TNIP3: variants seen among roughly 807,000 people sequenced by gnomAD.
TNIP3 encodes TNFAIP3-interacting protein 3.
Under a neutral mutation model 54.1 loss-of-function variants are expected in TNIP3, and 34 were observed. The observed-to-expected ratio is 0.63, with a 90% confidence interval of 0.48 to 0.84. The LOEUF is 0.84. TNIP3 is among the 40% of genes least tolerant of loss of function. The pLI is 0.00. For synonymous variants in TNIP3, 134 were observed against 136.8 expected (o/e 0.98, Z 0.14); for missense variants, 366 against 387.6 (o/e 0.94, Z 0.47).
rs531439698 is a variant in TNIP3, at chr4:121,157,180, G to C, written c.277C>G (p.Pro93Ala). Residue 93 changes from proline to alanine, a missense_variant, in exon 4 of 11, where the codon CCG becomes GCG. Coordinates refer to ENST00000057513, the MANE Select transcript of TNIP3 (RefSeq NM_024873.6). ...ERFLSTREKD[P>A]HQRQRKDDRQ... is the part of the protein sequence containing the mutation. Reference sequence around the variant, plus strand: ...TCGTCCTTTCTCTGCCTCTGATGCGGATCCTTCTCCCGCGTGCTGAGGAAT... The same window carrying C: ...TCGTCCTTTCTCTGCCTCTGATGCGCATCCTTCTCCCGCGTGCTGAGGAAT... 2.5e-6 allele frequency: 4 copies of C among 1,604,996 alleles called. No individual in the cohort carries two copies. The African/African-American group carries it at 4.0e-5, about 16-fold the overall frequency.
rs1028034233 is a variant in TNIP3, at chr4:121,187,952, T to TA, written c.69-5157dup. ...TATGTTTTCTTTCTTTCCTTTTTTT[T>TA]AACCATCCAGGAATTATAAAAATTC... On this transcript the variant is annotated intron_variant, in intron 2 of 12. Transcript: ENST00000507879. Among the ~76,000 whole-genome samples, 271 of 152,256 alleles carry TA rather than the reference T, an allele frequency of 1.8e-3. 1 individual carries two copies. Among genetic ancestry groups the TA allele is most frequent in the African/African-American group, 5.8e-3 (240 of 41,556 alleles).
intron 2 of TNIP3, among the ~76,000 whole-genome samples, chr4:121,199,071 G>A (rs976227429): frequency 2.6e-5 from 4 of 152,132 alleles, no homozygotes; most frequent in African/African-American, 9.7e-5. Flanking sequence ...AACAAACAAA[G>A]GGACTTGAGA....
chr4:121,219,456 A>G (rs1726941739), upstream of TNIP3, among the ~76,000 whole-genome samples: 1 of 152,214 alleles, frequency 6.6e-6, no homozygotes, highest in Non-Finnish European at 1.5e-5. Context: ...ATCAGTGAAG[A>G]TCATAAGCTG....
rs112628702 is a variant in TNIP3, at chr4:121,191,218, A to C, written c.69-8422T>G. 4.5e-3 allele frequency among the ~76,000 whole-genome samples: 689 copies of C among 152,318 alleles called. 4 individuals are homozygous for C. The highest frequency in any genetic ancestry group is 0.016 in the African/African-American group (663 of 41,572). On this transcript the variant is annotated intron_variant, in intron 2 of 12. Transcript: ENST00000507879. ...ACAATCAAAGATTTAGAGAATAGGA[A>C]ACATTGGCTCCTAATCAACTTTATG... is the stretch of plus-strand genomic sequence containing the variant.
chr4:121,215,645 A>C (rs148608042), intron 2 of TNIP3, among the ~76,000 whole-genome samples: 5 of 152,216 alleles, frequency 3.3e-5, no homozygotes, highest in African/African-American at 1.2e-4. Context: ...AATTAGGTTA[A>C]AGCACTTCTT....
intron 6 of TNIP3, among the ~76,000 whole-genome samples, chr4:121,148,113 G>T (rs1411068388): frequency 5.3e-5 from 8 of 152,160 alleles, no homozygotes; most frequent in Admixed American, 6.5e-5. Flanking sequence ...ACAATTACCA[G>T]AGGCATTTTA....
rs190537108 is a variant in TNIP3 at position 121,143,373 on chromosome 4, A to G, written c.736-597T>C. 2.6e-5 allele frequency among the ~76,000 whole-genome samples: 4 copies of G among 152,292 alleles called. No homozygotes were observed. The East Asian group carries it at 7.7e-4, about 29-fold the overall frequency. On this transcript the variant is annotated intron_variant, in intron 7 of 10. Transcript: ENST00000057513. ...CCTTAACTTAAGACACATTTAGAGA[A>G]AGCTGGCTTTTCCTTGACTGTTCAT...
At chr4:121,144,393 G>GT (rs1422913014) in intron 7 of TNIP3, among the ~76,000 whole-genome samples, 4 of 151,944 alleles carry the variant, frequency 2.6e-5, no homozygotes, top group East Asian at 1.9e-4. Flanking sequence ...TTTCTAAAGC[G>GT]TTTTTTTGTT....
At position 121,201,618 on chromosome 4, in the gene TNIP3, G is replaced by A. The variant is rs553140139; in HGVS notation, c.68+14797C>T. ...GTCTGCATGTTGTTCTCCCAGGCTT[G>A]TGTCATGATGGGAAGAGCCCTGGAC... On this transcript the variant is annotated intron_variant, in intron 2 of 12. Transcript: ENST00000507879. Among the ~76,000 whole-genome samples the A allele has an allele frequency of 3.3e-5, 5 of 152,248 alleles. No homozygotes were observed. In the South Asian group the frequency reaches 8.3e-4, roughly 25 times the overall value.
chr4:121,167,683 G>T (rs181177557), upstream of TNIP3, among the ~76,000 whole-genome samples: 1 of 152,266 alleles, frequency 6.6e-6, no homozygotes, highest in Non-Finnish European at 1.5e-5. Flanking sequence ...GATCAAAGTG[G>T]TTTTTTAATT....
chr4:121,191,251 C>T (rs1725294437), intron 2 of TNIP3, among the ~76,000 whole-genome samples: 1 of 152,114 alleles, frequency 6.6e-6, no homozygotes, highest in Non-Finnish European at 1.5e-5. Context: ...ATGAACAAGG[C>T]TGAGCCCCTA....
At chr4:121,182,440 C>G (rs1369291394) in intron 3 of TNIP3, among the ~76,000 whole-genome samples, 1 of 152,160 alleles carries the variant, frequency 6.6e-6, no homozygotes, top group Non-Finnish European at 1.5e-5. Context: ...GTAGTCACAG[C>G]TGCCTGGACA....
intron 9 of TNIP3, among the ~76,000 whole-genome samples, chr4:121,140,736 A>G (rs1308534058): frequency 6.6e-6 from 1 of 152,204 alleles, no homozygotes; most frequent in East Asian, 1.9e-4. Context: ...TGTTATTGGT[A>G]AAGACTGAAA....
Position 121,141,875 on chromosome 4 carries a change from G to A in TNIP3, c.826C>T (p.Leu276=). ...CCTGTTGGTACCCATGGATCTTGCA[G>A]GTGGAAAACCAAGCCGCAGTTACAG... ...PPCNCGLVFH[L]QDPWVPTGPG... Residue 276 remains leucine (L), a synonymous_variant, in exon 9 of 11, where the codon CTG becomes TTG. Coordinates refer to ENST00000057513, the MANE Select transcript of TNIP3 (RefSeq NM_024873.6). The A allele has an allele frequency of 6.3e-7, 1 of 1,599,994 alleles. No individual in the cohort carries two copies. Among genetic ancestry groups the A allele is most frequent in the Non-Finnish European group, 8.5e-7 (1 of 1,173,302 alleles).
intron 2 of TNIP3, among the ~76,000 whole-genome samples, chr4:121,214,844 A>G (rs1726694945): frequency 6.6e-6 from 1 of 152,194 alleles, no homozygotes; most frequent in Non-Finnish European, 1.5e-5. Flanking sequence ...AAAACAGATC[A>G]ATGCTTATTG....
At chr4:121,216,788 A>G (rs1256148704), upstream of TNIP3, among the ~76,000 whole-genome samples, 1 of 152,222 alleles carries the variant, frequency 6.6e-6, no homozygotes, top group African/African-American at 2.4e-5. Flanking sequence ...AGTAAAAGAA[A>G]GCTAGACATT....
At chr4:121,218,171 T>C (rs1726879610), upstream of TNIP3, among the ~76,000 whole-genome samples, 1 of 152,222 alleles carries the variant, frequency 6.6e-6, no homozygotes, top group African/African-American at 2.4e-5. Flanking sequence ...ACATTACAGA[T>C]ACAACATCAT....
chr4:121,163,467 C>T (rs978945523), intron 1 of TNIP3, among the ~76,000 whole-genome samples: 2 of 152,066 alleles, frequency 1.3e-5, no homozygotes, highest in Non-Finnish European at 2.9e-5. Context: ...ATAATTATTC[C>T]CTATAAAGTA....
chr4:121,159,451 G>T (rs1730314738), intron 2 of TNIP3, among the ~76,000 whole-genome samples: 1 of 152,092 alleles, frequency 6.6e-6, no homozygotes, highest in African/African-American at 2.4e-5. Context: ...ATGCATGGAG[G>T]TTCTTTTCCC....
Sources: allele counts gnomAD v4.1 joint callset (sites outside exome capture counted in the v4.1 genomes callset), GRCh38; gene constraint gnomAD v4.1.1; transcripts MANE v1.5; gene names NCBI Gene and HGNC (gene_info 2026-07-23, HGNC 2026-07-21).